The following NPAS3 variants were observed in gnomAD, a reference collection of about 807,000 sequenced individuals.
NPAS3 encodes neuronal PAS domain protein 3, also known as neuronal PAS domain-containing protein 3.
A neutral mutation model predicts 73.1 loss-of-function variants in NPAS3; 14 were observed. That is an observed-to-expected ratio of 0.19 (90% confidence interval 0.13 to 0.30). NPAS3 has a LOEUF of 0.30. Among genes scored for constraint, NPAS3 ranks in the 10% least tolerant of loss-of-function variants. The probability of loss-of-function intolerance (pLI) is 1.00; values close to 1 mark genes in which losing one functional copy is unlikely to be tolerated. For missense variants in NPAS3, 1,096 were observed against 1,250.0 expected (o/e 0.88, Z 1.86); for synonymous variants, 620 against 541.5 (o/e 1.14, Z -2.01).
At chr14:32,985,443 C>G (rs1266211835) in intron 1 of NPAS3, among the ~76,000 whole-genome samples, 1 of 152,152 alleles carries the variant, frequency 6.6e-6, no homozygotes, top group Non-Finnish European at 1.5e-5. Flanking sequence ...TTAGGCTATT[C>G]TCTTGCAAAT....
At chr14:33,119,114 T>C (rs114463943) in intron 2 of NPAS3, among the ~76,000 whole-genome samples, 144 of 152,160 alleles carry the variant, frequency 9.5e-4, no homozygotes, top group African/African-American at 3.4e-3. Context: ...CCAGCAAAAC[T>C]TCACAAGTTT....
At chr14:33,542,154 T>C (rs1468323791) in intron 4 of NPAS3, among the ~76,000 whole-genome samples, 2 of 152,212 alleles carry the variant, frequency 1.3e-5, no homozygotes, top group Non-Finnish European at 2.9e-5. Flanking sequence ...CTGACAACTT[T>C]AGAACACAAC....
rs1217635271 is a variant in NPAS3 at position 33,659,413 on chromosome 14, T to G, written c.559-16798T>G. On this transcript the variant is annotated intron_variant, in intron 5 of 11. Transcript: ENST00000356141. ...GAGCGTTAGAAAATCTCCCAGGACA[T>G]AGCTCATTGTGTCTATACAATTAGC... Among the ~76,000 whole-genome samples the G allele has an allele frequency of 2.0e-5, 3 of 152,216 alleles. No homozygotes were observed. The East Asian group carries it at 5.8e-4, about 29-fold the overall frequency.
At chr14:33,573,153 A>T (rs1354472500) in intron 5 of NPAS3, among the ~76,000 whole-genome samples, 2 of 152,166 alleles carry the variant, frequency 1.3e-5, no homozygotes, top group African/African-American at 4.8e-5. Flanking sequence ...ATATTCCAAC[A>T]TTCAATAGTA....
At chr14:33,603,829 T>C (rs1567046000) in intron 5 of NPAS3, among the ~76,000 whole-genome samples, 1 of 152,198 alleles carries the variant, frequency 6.6e-6, no homozygotes, top group East Asian at 1.9e-4. Context: ...ACAAAATTAA[T>C]GGGAACACAG....
At chr14:33,047,124 C>T (rs1051019261) in intron 1 of NPAS3, among the ~76,000 whole-genome samples, 25 of 152,032 alleles carry the variant, frequency 1.6e-4, no homozygotes, top group African/African-American at 3.6e-4. Flanking sequence ...AATTTGAAGC[C>T]GAAAGGTTGA....
At chr14:33,732,238 C>T (rs910497112) in intron 6 of NPAS3, among the ~76,000 whole-genome samples, 5 of 152,180 alleles carry the variant, frequency 3.3e-5, no homozygotes, top group African/African-American at 9.7e-5. Flanking sequence ...TGCACGCACA[C>T]ACACACACAC....
intron 3 of NPAS3, among the ~76,000 whole-genome samples, chr14:33,254,279 T>C (rs754887620): frequency 6.6e-6 from 1 of 152,064 alleles, no homozygotes; most frequent in Non-Finnish European, 1.5e-5. Flanking sequence ...GTCCTAAACT[T>C]ATATCTTACC....
intron 5 of NPAS3, among the ~76,000 whole-genome samples, chr14:33,648,779 A>C (rs1233876987): frequency 6.6e-6 from 1 of 152,172 alleles, no homozygotes; most frequent in African/African-American, 2.4e-5. Flanking sequence ...AACCACTGTC[A>C]TTTAGCCTCA....
intron 2 of NPAS3, among the ~76,000 whole-genome samples, chr14:33,066,932 A>G (rs187904567): frequency 1.8e-4 from 27 of 152,320 alleles, no homozygotes; most frequent in Admixed American, 9.8e-4. Context: ...AGGAAAGAAC[A>G]TGCTCCAAAT....
chr14:33,649,768 G>A (rs1045329756), intron 5 of NPAS3, among the ~76,000 whole-genome samples: 2 of 152,118 alleles, frequency 1.3e-5, no homozygotes, highest in Non-Finnish European at 2.9e-5. Flanking sequence ...AAAACTCTAA[G>A]AAACAGACTG....
exon 2 of NPAS3, chr14:33,055,947 G>C: frequency 1.2e-6 from 1 of 810,254 alleles, no homozygotes; most frequent in Non-Finnish European, 2.1e-6. Flanking sequence ...CAGAATGTAG[G>C]AAAATCTACA....
At chr14:33,281,350 G>T (rs1418679254) in intron 3 of NPAS3, among the ~76,000 whole-genome samples, 3 of 152,044 alleles carry the variant, frequency 2.0e-5, no homozygotes, top group East Asian at 3.9e-4. Flanking sequence ...TTTTTTTCAG[G>T]CTGGGCATGG....
intron 5 of NPAS3, among the ~76,000 whole-genome samples, chr14:33,584,685 A>G (rs2056799059): frequency 6.6e-6 from 1 of 152,156 alleles, no homozygotes; most frequent in Non-Finnish European, 1.5e-5. Context: ...CATGAAACAT[A>G]CCCAGATTGA....
chr14:33,622,063 A>G (rs2058091192), intron 5 of NPAS3, among the ~76,000 whole-genome samples: 5 of 152,174 alleles, frequency 3.3e-5, no homozygotes, highest in Admixed American at 3.3e-4. Flanking sequence ...CCTGAGCAGA[A>G]ATGATGTGAA....
intron 5 of NPAS3, among the ~76,000 whole-genome samples, chr14:33,606,796 A>C (rs890885007): frequency 7.9e-5 from 12 of 152,212 alleles, no homozygotes; most frequent in African/African-American, 2.9e-4. Context: ...GTAAGTGAAA[A>C]GACAAGCCAC....
chr14:33,301,417 G>C (rs1037566719), intron 3 of NPAS3, among the ~76,000 whole-genome samples: 2 of 149,704 alleles, frequency 1.3e-5, no homozygotes, highest in African/African-American at 4.9e-5. Flanking sequence ...CTGCTCAAAA[G>C]AAGAAAAAGT....
intron 3 of NPAS3, among the ~76,000 whole-genome samples, chr14:33,334,127 T>C (rs2044108097): frequency 6.6e-6 from 1 of 152,198 alleles, no homozygotes; most frequent in Non-Finnish European, 1.5e-5. Flanking sequence ...CAGGTTCACT[T>C]TGTCTTATTA....
intron 4 of NPAS3, among the ~76,000 whole-genome samples, chr14:33,387,996 T>G (rs1186442181): frequency 3.3e-5 from 5 of 152,170 alleles, no homozygotes; most frequent in Non-Finnish European, 5.9e-5. Flanking sequence ...GGAGAAGGCT[T>G]GAATTCTACC....
Sources: gnomAD v4.1 joint callset for allele counts (sites outside exome capture counted in the v4.1 genomes callset) on GRCh38, gnomAD v4.1.1 for gene constraint, MANE v1.5 for transcripts, NCBI Gene and HGNC (gene_info 2026-07-23, HGNC 2026-07-21) for gene names.